The following MYO1E variants were observed in gnomAD, a reference collection of about 807,000 sequenced individuals.
MYO1E encodes the protein myosin IE, also known as unconventional myosin-Ie.
MYO1E carries 68 observed loss-of-function variants against 151.1 expected under a neutral mutation model. The observed-to-expected ratio is 0.45, with a 90% CI of 0.37 to 0.55. The LOEUF (loss-of-function observed/expected upper bound fraction) is 0.55, where lower values mean the gene tolerates loss of function less well. Ranked by LOEUF, MYO1E falls within the 20% of genes least tolerant of loss-of-function variation. The pLI is 0.00. For synonymous variants in MYO1E, 601 were observed against 501.7 expected (o/e 1.20, Z -2.64); for missense variants, 1,363 against 1,389.3 (o/e 0.98, Z 0.30).
chr15:59,304,071 C>T (rs1210549682), intron 1 of MYO1E, among the ~76,000 whole-genome samples: 3 of 151,320 alleles, frequency 2.0e-5, no homozygotes, highest in African/African-American at 7.3e-5. Flanking sequence ...CAACCTCTGC[C>T]TCCTGGGTTC....
At chr15:59,302,774 G>C (rs2080490672) in intron 1 of MYO1E, among the ~76,000 whole-genome samples, 1 of 79,666 alleles carries the variant, frequency 1.3e-5, no homozygotes, top group African/African-American at 1.2e-4. Context: ...ATAAACTCTG[G>C]ACACTATATA....
At chr15:59,258,962 T>G (rs576297377) in intron 3 of MYO1E, among the ~76,000 whole-genome samples, 287 of 151,832 alleles carry the variant, frequency 1.9e-3, no homozygotes, top group Non-Finnish European at 3.2e-3. Context: ...TTGTTTTTTT[T>G]TGTTTTTGTT....
rs144794852 is a variant in MYO1E, at chr15:59,161,218, C to T, written c.2640G>A (p.Lys880=). 317 of 1,613,892 alleles carry T rather than the reference C, an allele frequency of 2.0e-4. No homozygotes were observed. The highest frequency in any genetic ancestry group is 9.9e-4 in the Middle Eastern group (6 of 6,060). Residue 880 remains lysine (K), a synonymous_variant, in exon 24 of 28, where the codon AAG becomes AAA. Transcript: ENST00000288235. ...AGGGGCCCCAGTTTTCCTTTTTCAA[C>T]TTCAGTTCAAGCCTGCAAAAAGCAC... ...PLKFSNTLEL[K]LKKENWGPWS...
At chr15:59,245,089 C>T (rs78557091) in intron 4 of MYO1E, among the ~76,000 whole-genome samples, 1,588 of 152,200 alleles carry the variant, frequency 0.01, 34 homozygotes, top group African/African-American at 0.036. Flanking sequence ...AGGGGGATGG[C>T]GAGGTCAAAG....
rs1306658669 is a variant in MYO1E, at chr15:59,135,031, A to G, written c.*2349T>C. The G allele has an allele frequency of 4.6e-5, 7 of 152,176 alleles. No homozygotes were observed. The highest frequency in any genetic ancestry group is 2.1e-4 in the South Asian group (1 of 4,836). 9.4% of individuals were successfully genotyped at this position (152,176 alleles called of 1,614,324 possible). ...ACAAATAAGTTTAAGATAAACCACT[A>G]TTTCTCCAAACTTTTCTTAATAGTG... On this transcript the variant is annotated 3_prime_UTR_variant, in exon 28 of 28. Coordinates refer to ENST00000288235, the MANE Select transcript of MYO1E (RefSeq NM_004998.4).
intron 1 of MYO1E, among the ~76,000 whole-genome samples, chr15:59,359,256 T>TA (rs1395937946): frequency 2.1e-5 from 3 of 145,122 alleles, no homozygotes; most frequent in Non-Finnish European, 4.5e-5. Context: ...TGAGACCCTG[T>TA]AAAATATATA....
chr15:59,222,970 T>C (rs1190352440), intron 9 of MYO1E, 89 bp downstream of exon 9: 4 of 1,572,040 alleles, frequency 2.5e-6, no homozygotes, highest in Non-Finnish European at 2.6e-6. Flanking sequence ...AATATTCCCA[T>C]TTGAGATCTA....
intron 1 of MYO1E, among the ~76,000 whole-genome samples, chr15:59,323,655 C>CA (rs1395425594): frequency 1.3e-4 from 19 of 146,790 alleles, no homozygotes; most frequent in African/African-American, 4.3e-4. Flanking sequence ...GACTCCGCCT[C>CA]AAAAAAGAAA....
chr15:59,162,379 C>G (rs1596347179), intron 23 of MYO1E, among the ~76,000 whole-genome samples: 1 of 152,142 alleles, frequency 6.6e-6, no homozygotes, highest in Non-Finnish European at 1.5e-5. Flanking sequence ...CATGGTGGCT[C>G]AAGCCTGTGA....
At chr15:59,151,615 G>C (rs994791090) in intron 26 of MYO1E, among the ~76,000 whole-genome samples, 9 of 151,996 alleles carry the variant, frequency 5.9e-5, no homozygotes, top group African/African-American at 1.7e-4. Flanking sequence ...AAATAATAGG[G>C]CATAAAGATG....
chr15:59,232,185 C>T (rs1346552456), intron 5 of MYO1E, among the ~76,000 whole-genome samples: 2 of 152,202 alleles, frequency 1.3e-5, no homozygotes, highest in African/African-American at 2.4e-5. Flanking sequence ...ACTCTACCAA[C>T]CCATCTCATC....
chr15:59,239,222 A>G (rs2080084713), intron 4 of MYO1E, among the ~76,000 whole-genome samples: 1 of 84,422 alleles, frequency 1.2e-5, no homozygotes. Context: ...ATATATATAT[A>G]TATTTTTTTT....
intron 19 of MYO1E, among the ~76,000 whole-genome samples, chr15:59,175,338 G>GA (rs1461094392): frequency 4.6e-5 from 7 of 152,190 alleles, no homozygotes; most frequent in Admixed American, 1.3e-4. Flanking sequence ...TAAAGATGAT[G>GA]AACAGTCATT....
At chr15:59,346,256 G>A (rs1173063281) in intron 1 of MYO1E, among the ~76,000 whole-genome samples, 2 of 152,122 alleles carry the variant, frequency 1.3e-5, no homozygotes, top group African/African-American at 2.4e-5. Flanking sequence ...AGCACGAACT[G>A]CAGGCTGTGT....
At chr15:59,322,266 C>T (rs1424772646) in intron 1 of MYO1E, among the ~76,000 whole-genome samples, 1 of 151,990 alleles carries the variant, frequency 6.6e-6, no homozygotes, top group African/African-American at 2.4e-5. Flanking sequence ...CAAACCTCAG[C>T]ATCACGCAAT....
chr15:59,168,411 G>C (rs2079573817), intron 22 of MYO1E, among the ~76,000 whole-genome samples: 1 of 151,860 alleles, frequency 6.6e-6, no homozygotes, highest in African/African-American at 2.4e-5. Context: ...CCAGAAGTGG[G>C]GGTACATGCC....
At chr15:59,227,319 A>G in intron 7 of MYO1E, 140 bp downstream of exon 7, 2 of 1,029,424 alleles carry the variant, frequency 1.9e-6, no homozygotes, top group Non-Finnish European at 2.9e-6. Flanking sequence ...CATTCTCACA[A>G]TTCTGCACAT....
chr15:59,297,938 T>C (rs1246837494), intron 1 of MYO1E, among the ~76,000 whole-genome samples: 2 of 152,176 alleles, frequency 1.3e-5, no homozygotes, highest in Non-Finnish European at 2.9e-5. Flanking sequence ...TTTCCCTCCA[T>C]TTGAGTTTGC....
At chr15:59,339,274 T>G (rs2080748838) in intron 1 of MYO1E, among the ~76,000 whole-genome samples, 2 of 152,212 alleles carry the variant, frequency 1.3e-5, no homozygotes, top group African/African-American at 4.8e-5. Flanking sequence ...TGGTGTGGAA[T>G]GATACACAGT....
Sources: gnomAD v4.1 joint callset for allele counts (sites outside exome capture counted in the v4.1 genomes callset) on GRCh38, gnomAD v4.1.1 for gene constraint, MANE v1.5 for transcripts, NCBI Gene and HGNC (gene_info 2026-07-23, HGNC 2026-07-21) for gene names.